The following CACNA1D variants were observed in gnomAD, a reference collection of about 807,000 sequenced individuals.
The protein encoded by CACNA1D is calcium voltage-gated channel subunit alpha1 D, also known as voltage-dependent L-type calcium channel subunit alpha-1D.
In CACNA1D, 55 loss-of-function variants were observed where a neutral mutation model predicts 257.1. The observed-to-expected ratio is 0.21, with a 90% confidence interval of 0.17 to 0.27. The LOEUF (loss-of-function observed/expected upper bound fraction) is 0.27. Ranked by LOEUF, CACNA1D falls within the 10% of genes least tolerant of loss-of-function variation. CACNA1D has a pLI of 1.00. For synonymous variants in CACNA1D, 980 were observed against 1,014.9 expected, an observed-to-expected ratio of 0.97 and a Z score of 0.65; for missense variants, 1,876 against 2,784.0, an observed-to-expected ratio of 0.67 and a Z score of 7.34.
chr3:53,495,982 C>T lies in CACNA1D; in HGVS notation c.67+749C>T, dbSNP rs570614456. 1.3e-5 allele frequency among the ~76,000 whole-genome samples: 2 copies of T among 152,354 alleles called. No homozygotes were observed. The highest frequency in any genetic ancestry group is 6.5e-5 in the Admixed American group (1 of 15,312). On this transcript the variant is annotated intron_variant, in intron 1 of 47. Coordinates refer to ENST00000350061, the MANE Select transcript of CACNA1D (RefSeq NM_001128840.3). The surrounding 1 kb of genome is among the most constrained non-coding windows in gnomAD (Gnocchi z 5.1). ...TTTGGAGACCGCCAGTGCCCCCCAA[C>T]CCCTGTCGGCTGGAAGCCTTTCCGG...
intron 27 of CACNA1D, among the ~76,000 whole-genome samples, chr3:53,750,765 C>T (rs371616888): frequency 6.6e-6 from 1 of 152,168 alleles, no homozygotes; most frequent in African/African-American, 2.4e-5. Flanking sequence ...GTCAGAGCAG[C>T]GCCGGGTCCC....
At chr3:53,772,370 A>G in intron 32 of CACNA1D, among the ~76,000 whole-genome samples, 1 of 152,182 alleles carries the variant, frequency 6.6e-6, no homozygotes, top group South Asian at 2.1e-4. Context: ...AGCAGAAGCA[A>G]GGTGGTTTTG....
At chr3:53,656,292 AT>A (rs887121744) in intron 4 of CACNA1D, among the ~76,000 whole-genome samples, 5 of 151,772 alleles carry the variant, frequency 3.3e-5, no homozygotes, top group African/African-American at 7.3e-5. Flanking sequence ...AATTAAAAAA[AT>A]TTTTTTTCTA....
chr3:53,534,426 C>T (rs140481466), intron 3 of CACNA1D, among the ~76,000 whole-genome samples: 2 of 152,340 alleles, frequency 1.3e-5, no homozygotes, highest in East Asian at 1.9e-4. Context: ...TCTTGGTCTC[C>T]CTCCACGTCC....
chr3:53,643,389 G>A (rs1434837188), intron 3 of CACNA1D, among the ~76,000 whole-genome samples: 4 of 152,192 alleles, frequency 2.6e-5, no homozygotes, highest in African/African-American at 9.7e-5. Flanking sequence ...GAAGCTGTGT[G>A]ATAGCGCTGC....
chr3:53,741,530 C>T (rs1000044804), intron 21 of CACNA1D, among the ~76,000 whole-genome samples: 3 of 151,848 alleles, frequency 2.0e-5, no homozygotes, highest in African/African-American at 7.3e-5. Context: ...AACTGTTTAC[C>T]CCTTTCTTAA....
intron 3 of CACNA1D, among the ~76,000 whole-genome samples, chr3:53,554,431 C>T (rs1265268010): frequency 6.6e-6 from 1 of 152,222 alleles, no homozygotes; most frequent in South Asian, 2.1e-4. Context: ...TCACAGCCCC[C>T]TCACTCTCCA....
chr3:53,604,720 G>A (rs549949093), intron 3 of CACNA1D, among the ~76,000 whole-genome samples: 1 of 152,322 alleles, frequency 6.6e-6, no homozygotes, highest in South Asian at 2.1e-4. Context: ...CAGAAGCATT[G>A]GCTACCATGT....
intron 25 of CACNA1D, 135 bp downstream of exon 25, chr3:53,746,010 A>T: frequency 1.4e-6 from 1 of 727,198 alleles, no homozygotes; most frequent in East Asian, 2.7e-5. Context: ...GGGTAGATAG[A>T]TGGTGTTTGT....
intron 3 of CACNA1D, among the ~76,000 whole-genome samples, chr3:53,583,230 G>A (rs1441005046): frequency 7.7e-6 from 1 of 130,398 alleles, no homozygotes; most frequent in Non-Finnish European, 1.7e-5. Context: ...CAATAGAGTG[G>A]ATTTTTTTTT....
chr3:53,650,141 G>A (rs1299976153), intron 3 of CACNA1D, among the ~76,000 whole-genome samples: 2 of 152,236 alleles, frequency 1.3e-5, no homozygotes, highest in Non-Finnish European at 2.9e-5. Flanking sequence ...TCAGCCGGGA[G>A]AGGCGGCATG....
At chr3:53,672,621 G>C (rs2108407391) in intron 7 of CACNA1D, among the ~76,000 whole-genome samples, 1 of 152,276 alleles carries the variant, frequency 6.6e-6, no homozygotes, top group Non-Finnish European at 1.5e-5. Flanking sequence ...AGCTAAGCAG[G>C]AGTTTTGTCC....
intron 39 of CACNA1D, 41 bp from the exon 40 acceptor site, chr3:53,786,781 T>G: frequency 7.4e-7 from 1 of 1,347,478 alleles, no homozygotes; most frequent in East Asian, 4.7e-5. Context: ...CTTGGTCTAA[T>G]GTGCTGATTC....
intron 8 of CACNA1D, among the ~76,000 whole-genome samples, chr3:53,688,204 T>C (rs2094490064): frequency 6.6e-6 from 1 of 152,196 alleles, no homozygotes; most frequent in African/African-American, 2.4e-5. Flanking sequence ...GACTCGGCCT[T>C]GGGTGGAGGT....
At chr3:53,626,469 G>C (rs1292889489) in intron 3 of CACNA1D, among the ~76,000 whole-genome samples, 2 of 152,222 alleles carry the variant, frequency 1.3e-5, no homozygotes, top group Non-Finnish European at 1.5e-5. Context: ...AGAGGGAAAG[G>C]CTGCGAGGGG....
chr3:53,557,935 A>C (rs2092675803), intron 3 of CACNA1D, among the ~76,000 whole-genome samples: 1 of 152,188 alleles, frequency 6.6e-6, no homozygotes, highest in Admixed American at 6.5e-5. Flanking sequence ...CTATAGATCG[A>C]TTTGGGGAGA....
intron 25 of CACNA1D, 45 bp downstream of exon 25, chr3:53,745,920 G>A: frequency 2.7e-6 from 4 of 1,467,614 alleles, no homozygotes; most frequent in Non-Finnish European, 3.8e-6. Context: ...AGAGCAAATA[G>A]CAGACTTCAA....
chr3:53,752,613 G>GGTCCCGAACT (rs1425050182), intron 28 of CACNA1D, among the ~76,000 whole-genome samples: 1 of 152,186 alleles, frequency 6.6e-6, no homozygotes, highest in East Asian at 1.9e-4. Context: ...TGGCCAGGCT[G>GGTCCCGAACT]GTCCCGAACT....
rs2095581210 is a variant in CACNA1D, at chr3:53,808,858, GCAC to G, written c.5871+91_5871+93del. ...GTCACTCCCTTCTCCTTGGCCTTAA[GCAC>G]CAGGAGGGAAGGAGAGAATCTTCAC... is the stretch of plus-strand genomic sequence containing the variant. On this transcript the variant is annotated intron_variant, in intron 46 of 47. Coordinates refer to ENST00000350061, the MANE Select transcript of CACNA1D (RefSeq NM_001128840.3). 2.9e-6 allele frequency: 4 copies of G among 1,365,726 alleles called. No homozygotes were observed. In the South Asian group the frequency reaches 4.8e-5, roughly 16 times the overall value. The allele number at this position is 1,365,726 out of a possible 1,614,324, so 84.6% of individuals were successfully genotyped here.
Sources: allele counts gnomAD v4.1 joint callset (sites outside exome capture counted in the v4.1 genomes callset), GRCh38; gene constraint gnomAD v4.1.1; non-coding constraint Gnocchi (gnomAD v3.1); transcripts MANE v1.5; gene names NCBI Gene and HGNC (gene_info 2026-07-23, HGNC 2026-07-21).